The following RO60 variants were observed in gnomAD, a reference collection of about 807,000 sequenced individuals.
The protein encoded by RO60 is RNA-binding protein RO60.
Under a neutral mutation model 55.3 loss-of-function variants are expected in RO60, and 20 were observed. That is an observed-to-expected ratio of 0.36 (90% CI 0.25 to 0.53). The LOEUF is 0.53. Ranked by LOEUF, RO60 falls within the 20% of genes least tolerant of loss-of-function variation. The pLI, the probability that RO60 is intolerant of heterozygous loss-of-function variation, is 0.92. For synonymous variants in RO60, 213 were observed against 213.6 expected (o/e 1.00, Z 0.02); for missense variants, 558 against 646.6 (o/e 0.86, Z 1.49).
rs532079502 is a variant in RO60 at position 193,084,789 on chromosome 1, T to C, written c.*58T>C. 4 of 1,574,962 alleles carry C rather than the reference T, an allele frequency of 2.5e-6. No homozygotes were observed. The highest frequency in any genetic ancestry group is 1.8e-5 in the Admixed American group (1 of 54,304). On this transcript the variant is annotated 3_prime_UTR_variant, in exon 9 of 9. Transcript: ENST00000400968. Reference sequence around the variant, plus strand: ...GCCATCAGTGATCTCACTAAAAATATACAGCTACTTCCCAGCTAATCTCCA... The same window carrying C: ...GCCATCAGTGATCTCACTAAAAATACACAGCTACTTCCCAGCTAATCTCCA...
intron 1 of RO60, among the ~76,000 whole-genome samples, chr1:193,062,069 A>G (rs1424094448): frequency 2.0e-5 from 3 of 152,174 alleles, no homozygotes; most frequent in Non-Finnish European, 4.4e-5. Context: ...TAGAGATTTA[A>G]TACAACATTA....
At position 193,085,187 on chromosome 1, in the gene RO60, C is replaced by T; in HGVS notation, c.*456C>T. On this transcript the variant is annotated 3_prime_UTR_variant, in exon 9 of 9. Transcript: ENST00000400968. ...CATATAACTGTGATGAAATATGAAA[C>T]TCATCTGTAAACTTTTATACCAAGG... 8.2e-7 allele frequency: 1 copy of T among 1,216,144 alleles called. No homozygotes were observed. Among genetic ancestry groups the T allele is most frequent in the Non-Finnish European group, 1.0e-6 (1 of 974,832 alleles). 75.3% of individuals were successfully genotyped at this position (1,216,144 alleles called of 1,614,324 possible). A position where few individuals can be genotyped will look rare whatever the true frequency, so the allele number is the denominator to read the frequency against.
chr1:193,060,066 A>G, intron 1 of RO60: 1 of 1,314,322 alleles, frequency 7.6e-7, no homozygotes, highest in Non-Finnish European at 1.0e-6. Flanking sequence ...CCACAGGCCG[A>G]CGTCGAGAGG....
chr1:193,065,283 A>G (rs1036016464), intron 1 of RO60, among the ~76,000 whole-genome samples: 1 of 152,248 alleles, frequency 6.6e-6, no homozygotes, highest in African/African-American at 2.4e-5. Context: ...AAGGGAACCA[A>G]TAATGTAGCT....
Position 193,085,965 on chromosome 1 carries a change from A to G in RO60, c.*1234A>G. Reference sequence around the variant, plus strand: ...TCCTTCATTGTGAGGTTTAACATTAAAGCAATCTGTTGAAATGCCATTATC... The same window carrying G: ...TCCTTCATTGTGAGGTTTAACATTAGAGCAATCTGTTGAAATGCCATTATC... On this transcript the variant is annotated 3_prime_UTR_variant, in exon 9 of 9. Transcript: ENST00000400968. 1 of 985,330 alleles carries G rather than the reference A, an allele frequency of 1.0e-6. No individual in the cohort carries two copies. Among genetic ancestry groups the G allele is most frequent in the Non-Finnish European group, 1.2e-6 (1 of 829,862 alleles). 61.0% of individuals were successfully genotyped at this position (985,330 alleles called of 1,614,324 possible). A position where few individuals can be genotyped will look rare whatever the true frequency, so the allele number is the denominator to read the frequency against.
intron 5 of RO60, 47 bp downstream of exon 5, chr1:193,077,097 A>G (rs756261851): frequency 6.0e-6 from 9 of 1,512,358 alleles, no homozygotes; most frequent in Non-Finnish European, 1.8e-6. Context: ...AAGACTTAAT[A>G]TCTTTTGTAA....
At chr1:193,067,035 G>T (rs1673155500) in intron 1 of RO60, among the ~76,000 whole-genome samples, 7 of 151,586 alleles carry the variant, frequency 4.6e-5, no homozygotes, top group Admixed American at 4.6e-4. Flanking sequence ...AATCTTTCTG[G>T]ATTATTGAGA....
chr1:193,069,142 A>G lies in RO60; in HGVS notation c.88A>G (p.Met30Val), dbSNP rs776336286. The change falls in exon 2 of 9, where the codon ATG (methionine) becomes GTG (valine). Residue 30 changes from methionine to valine, a missense_variant. Met to Val is a conservative substitution (Grantham distance 21, BLOSUM62 1). Coordinates refer to ENST00000400968, the MANE Select transcript of RO60 (RefSeq NM_001173524.2). Reference protein sequence around the residue: ...QDGYVWQVTDMNRLHRFLCFG... With the variant: ...QDGYVWQVTDVNRLHRFLCFG... Reference sequence around the variant, plus strand: ...TGGATATGTATGGCAAGTCACTGACATGAATCGACTACACCGGTTCTTATG... The same window carrying G: ...TGGATATGTATGGCAAGTCACTGACGTGAATCGACTACACCGGTTCTTATG... 6.2e-6 allele frequency: 10 copies of G among 1,614,222 alleles called. 1 individual carries two copies. In the Admixed American group the frequency reaches 1.3e-4, roughly 22 times the overall value.
In RO60 at chr1:193,073,909, C is replaced by T. The variant is rs571437822; in HGVS notation, c.581-1911C>T. The stretch of plus-strand genomic sequence containing the variant: ...CCCCTCCCCCCACCCCACAACAGGC[C>T]CTGGTGTGTGATGTTCCCCTTCCTG... On this transcript the variant is annotated intron_variant, in intron 2 of 8. Coordinates refer to ENST00000400968, the MANE Select transcript of RO60 (RefSeq NM_001173524.2). 9.3e-5 allele frequency among the ~76,000 whole-genome samples: 13 copies of T among 140,398 alleles called. No individual in the cohort carries two copies. In the East Asian group the frequency reaches 1.7e-3, roughly 18 times the overall value. 92.1% of individuals were successfully genotyped at this position (140,398 alleles called of 152,430 possible). A position where few individuals can be genotyped will look rare whatever the true frequency, so the allele number is the denominator to read the frequency against.
At position 193,077,056 on chromosome 1, in the gene RO60, G is replaced by T; in HGVS notation, c.1086+6G>T. ...CTTTTTATAAAACATTTAAGGTAGT[G>T]ATATGATTTTTGTTTTAAAACAAAT... On this transcript the variant is annotated splice_donor_region_variant and intron_variant, in intron 5 of 8. Coordinates refer to ENST00000400968, the MANE Select transcript of RO60 (RefSeq NM_001173524.2). 6.2e-7 allele frequency: 1 copy of T among 1,600,846 alleles called. No homozygotes were observed. Among genetic ancestry groups the T allele is most frequent in the South Asian group, 1.1e-5 (1 of 89,310 alleles).
At chr1:193,060,524 G>A (rs1227687701) in intron 1 of RO60, among the ~76,000 whole-genome samples, 1 of 151,974 alleles carries the variant, frequency 6.6e-6, no homozygotes, top group African/African-American at 2.4e-5. Flanking sequence ...AAAAAAAAAT[G>A]TTTTAGTGGG....
At chr1:193,062,552 C>G (rs1672851117) in intron 1 of RO60, among the ~76,000 whole-genome samples, 1 of 152,078 alleles carries the variant, frequency 6.6e-6, no homozygotes, top group Non-Finnish European at 1.5e-5. Flanking sequence ...ATGAAGTTCA[C>G]TATTTTGAAG....
chr1:193,076,848 A>G (rs1255959670), intron 4 of RO60, 65 bp from the exon 5 acceptor site: 1 of 1,511,816 alleles, frequency 6.6e-7, no homozygotes, highest in Non-Finnish European at 9.0e-7. Flanking sequence ...ACAATAACAC[A>G]AAAATCTAAG....
chr1:193,075,759 C>A (rs1673866485), intron 2 of RO60, 61 bp from the exon 3 acceptor site: 2 of 1,252,154 alleles, frequency 1.6e-6, no homozygotes, highest in African/African-American at 1.5e-5. Flanking sequence ...TTTGAGGAAA[C>A]ATGTTCTGTT....
intron 2 of RO60, among the ~76,000 whole-genome samples, chr1:193,072,250 T>G (rs1197529017): frequency 6.6e-6 from 1 of 152,162 alleles, no homozygotes; most frequent in Non-Finnish European, 1.5e-5. Flanking sequence ...GTGATCCGCC[T>G]GCCTTGGCCT....
At chr1:193,062,707 A>G (rs2103016089) in intron 1 of RO60, among the ~76,000 whole-genome samples, 1 of 152,310 alleles carries the variant, frequency 6.6e-6, no homozygotes, top group Non-Finnish European at 1.5e-5. Context: ...GCCTCTGACA[A>G]CCTTAGACTA....
intron 8 of RO60, among the ~76,000 whole-genome samples, chr1:193,083,633 C>T (rs556522768): frequency 1.3e-5 from 2 of 152,282 alleles, no homozygotes; most frequent in South Asian, 2.1e-4. Context: ...TTCCTGAGGC[C>T]CGTCAGAGAC....
At chr1:193,082,789 G>A in intron 8 of RO60, 81 bp downstream of exon 8, 1 of 1,187,434 alleles carries the variant, frequency 8.4e-7, no homozygotes, top group Non-Finnish European at 1.2e-6. Flanking sequence ...TTTGGAGACA[G>A]GACCTCATTC....
At chr1:193,060,039 C>CT (rs1672386108) in intron 1 of RO60, 6 of 1,345,168 alleles carry the variant, frequency 4.5e-6, no homozygotes, top group Non-Finnish European at 5.9e-6. Flanking sequence ...ACCGCTCCTG[C>CT]TTGTCGGCAT....
Sources: allele counts gnomAD v4.1 joint callset (sites outside exome capture counted in the v4.1 genomes callset), GRCh38; gene constraint gnomAD v4.1.1; transcripts MANE v1.5; gene names NCBI Gene and HGNC (gene_info 2026-07-23, HGNC 2026-07-21).